SHISA9: variants seen among roughly 807,000 people sequenced by gnomAD.
The protein encoded by SHISA9 is shisa family member 9.
SHISA9 carries 13 observed loss-of-function variants against 38.0 expected under a neutral mutation model. The ratio of observed to expected loss-of-function variants is 0.34; its 90% CI spans 0.22 to 0.54. SHISA9 has a LOEUF of 0.54. Among genes scored for constraint, SHISA9 ranks in the 20% least tolerant of loss-of-function variants. The pLI, the probability that SHISA9 is intolerant of heterozygous loss-of-function variation, is 0.91. For synonymous variants in SHISA9, 275 were observed against 242.0 expected (o/e 1.14, Z -1.27); for missense variants, 538 against 575.8 (o/e 0.93, Z 0.67).
At chr16:13,359,123 G>T in the SHISA9 span, among the ~76,000 whole-genome samples, 2 of 44,456 alleles carry the variant, frequency 4.5e-5, no homozygotes, top group African/African-American at 1.6e-4. Flanking sequence ...CCAGAAGAAT[G>T]TCCAGTTTTA....
At chr16:13,380,173 A>G in the SHISA9 span, among the ~76,000 whole-genome samples, 4 of 152,106 alleles carry the variant, frequency 2.6e-5, no homozygotes, top group African/African-American at 9.7e-5. Context: ...AAAATAGAAG[A>G]GGGATTACAG....
At chr16:13,475,674 A>G in the SHISA9 span, among the ~76,000 whole-genome samples, 1 of 152,150 alleles carries the variant, frequency 6.6e-6, no homozygotes, top group South Asian at 2.1e-4. Flanking sequence ...TTTATTGCGG[A>G]TTTTATTTCT....
the SHISA9 span, among the ~76,000 whole-genome samples, chr16:13,312,354 T>A: frequency 1.2e-3 from 189 of 152,276 alleles, no homozygotes; most frequent in African/African-American, 3.9e-3. Context: ...TCACTCTTTT[T>A]CCCACTTTTC....
At chr16:13,093,836 G>A (rs2073799600) in intron 2 of SHISA9, among the ~76,000 whole-genome samples, 1 of 152,204 alleles carries the variant, frequency 6.6e-6, no homozygotes, top group East Asian at 1.9e-4. Context: ...GGGCAAACTA[G>A]TTCAGATGCA....
chr16:13,139,352 C>T (rs2050377736), intron 2 of SHISA9, among the ~76,000 whole-genome samples: 1 of 126,036 alleles, frequency 7.9e-6, no homozygotes, highest in Non-Finnish European at 1.7e-5. Context: ...ACACCCCTTC[C>T]CTCCCTCCCC....
At chr16:13,059,767 G>A (rs2073352785) in intron 2 of SHISA9, among the ~76,000 whole-genome samples, 1 of 152,038 alleles carries the variant, frequency 6.6e-6, no homozygotes, top group African/African-American at 2.4e-5. Context: ...GGTCGTTAGG[G>A]TAAGCCCCAA....
chr16:12,988,587 C>T (rs768599244), intron 2 of SHISA9, among the ~76,000 whole-genome samples: 2 of 152,144 alleles, frequency 1.3e-5, no homozygotes, highest in South Asian at 2.1e-4. Context: ...TGCAGTGGCG[C>T]GATTTCAGCT....
chr16:12,910,851 A>C (rs978730569), intron 1 of SHISA9: 2 of 519,104 alleles, frequency 3.9e-6, no homozygotes, highest in African/African-American at 4.1e-5. Flanking sequence ...GACAGGCAGG[A>C]GAATTCTCTC....
chr16:13,438,829 C>G, the SHISA9 span, among the ~76,000 whole-genome samples: 1 of 152,172 alleles, frequency 6.6e-6, no homozygotes, highest in East Asian at 1.9e-4. Flanking sequence ...AAGGAAAAGA[C>G]TAAACGGCAA....
At chr16:13,043,723 G>A (rs543631655) in intron 2 of SHISA9, among the ~76,000 whole-genome samples, 1 of 152,072 alleles carries the variant, frequency 6.6e-6, no homozygotes, top group South Asian at 2.1e-4. Context: ...TACACTTCAG[G>A]TCTTCTGCTG....
intron 2 of SHISA9, among the ~76,000 whole-genome samples, chr16:13,022,674 C>G (rs1178966006): frequency 6.6e-6 from 1 of 152,048 alleles, no homozygotes; most frequent in Non-Finnish European, 1.5e-5. Context: ...ACTCTGTTGC[C>G]CAGGTTGGTC....
chr16:13,234,099 T>C (rs1185268937), intron 4 of SHISA9, among the ~76,000 whole-genome samples: 2 of 152,240 alleles, frequency 1.3e-5, no homozygotes, highest in African/African-American at 2.4e-5. Flanking sequence ...GAAAAGTTGC[T>C]ATTACATACA....
At chr16:13,154,708 C>G (rs550421464) in intron 2 of SHISA9, among the ~76,000 whole-genome samples, 1 of 152,236 alleles carries the variant, frequency 6.6e-6, no homozygotes, top group Non-Finnish European at 1.5e-5. Flanking sequence ...ACTAATCAGC[C>G]TGGCTTTTTA....
chr16:13,497,695 AAAAAAAG>A, the SHISA9 span, among the ~76,000 whole-genome samples: 19 of 140,774 alleles, frequency 1.3e-4, no homozygotes, highest in East Asian at 9.7e-4. Flanking sequence ...CAAAAAAAAA[AAAAAAAG>A]AAAAAAGAAA....
the SHISA9 span, among the ~76,000 whole-genome samples, chr16:13,403,058 C>T: frequency 4.0e-5 from 6 of 151,668 alleles, no homozygotes; most frequent in Non-Finnish European, 5.9e-5. Flanking sequence ...AAGCCGAGAT[C>T]GTGCCACTGC....
At chr16:13,412,082 A>C in the SHISA9 span, among the ~76,000 whole-genome samples, 1 of 152,106 alleles carries the variant, frequency 6.6e-6, no homozygotes, top group South Asian at 2.1e-4. Context: ...CCCTAAACAC[A>C]CACAAGGCCT....
chr16:13,409,710 C>G, the SHISA9 span, among the ~76,000 whole-genome samples: 6 of 152,336 alleles, frequency 3.9e-5, no homozygotes, highest in East Asian at 1.2e-3. Flanking sequence ...ATGCCCCCAG[C>G]CTCTGCAGCA....
At chr16:12,968,488 A>G (rs2072010732) in intron 2 of SHISA9, among the ~76,000 whole-genome samples, 1 of 152,234 alleles carries the variant, frequency 6.6e-6, no homozygotes, top group South Asian at 2.1e-4. Flanking sequence ...ACTATTCATA[A>G]TAGCCCCAAA....
intron 1 of SHISA9, among the ~76,000 whole-genome samples, chr16:12,914,847 A>G (rs1273735979): frequency 6.6e-6 from 1 of 152,240 alleles, no homozygotes; most frequent in Non-Finnish European, 1.5e-5. Context: ...CAGGAGGGCT[A>G]GATGGATCTG....
Sources: allele counts gnomAD v4.1 joint callset (sites outside exome capture counted in the v4.1 genomes callset), GRCh38; gene constraint gnomAD v4.1.1; transcripts MANE v1.5; gene names NCBI Gene and HGNC (gene_info 2026-07-23, HGNC 2026-07-21).